ERC2: variants seen among roughly 807,000 people sequenced by gnomAD.
The protein encoded by ERC2 is ERC protein 2.
ERC2 carries 42 observed loss-of-function variants against 114.8 expected under a neutral mutation model. That is an observed-to-expected ratio of 0.37 (90% confidence interval 0.29 to 0.47). The LOEUF (loss-of-function observed/expected upper bound fraction) is 0.47, where lower values mean the gene tolerates loss of function less well. Among genes scored for constraint, ERC2 ranks in the 20% least tolerant of loss-of-function variants. The pLI is 0.99. For synonymous variants in ERC2, 454 were observed against 425.5 expected, an observed-to-expected ratio of 1.07 and a Z score of -0.82; for missense variants, 939 against 1,150.7, an observed-to-expected ratio of 0.82 and a Z score of 2.66.
chr3:55,954,085 A>T (rs897484270), intron 12 of ERC2, among the ~76,000 whole-genome samples: 2 of 57,666 alleles, frequency 3.5e-5, no homozygotes, highest in Admixed American at 2.4e-4. Context: ...ATTATTTAAA[A>T]AAAAAAAAAA....
intron 2 of ERC2, among the ~76,000 whole-genome samples, chr3:56,433,168 C>A (rs572706017): frequency 2.7e-3 from 347 of 126,372 alleles, no homozygotes; most frequent in African/African-American, 0.011. Flanking sequence ...AACAGCAAGA[C>A]CCTGTCTCTT....
intron 10 of ERC2, among the ~76,000 whole-genome samples, chr3:55,997,880 G>GTTTGTTTTTTTTT (rs1559996207): frequency 2.2e-5 from 1 of 44,790 alleles, no homozygotes; most frequent in Non-Finnish European, 4.0e-5. Context: ...TCTTAATTCT[G>GTTTGTTTTTTTTT]TTTTTTTTTT....
In ERC2 at chr3:55,628,138, G is replaced by T. The variant is rs887773691; in HGVS notation, c.*39+55656C>A. 4.4e-5 allele frequency among the ~76,000 whole-genome samples: 3 copies of T among 68,800 alleles called. No individual in the cohort carries two copies. The South Asian group carries it at 1.3e-3, about 30-fold the overall frequency. 45.1% of individuals were successfully genotyped at this position (68,800 alleles called of 152,430 possible). A position where few individuals can be genotyped will look rare whatever the true frequency, so the allele number is the denominator to read the frequency against. ...ATTTTTCTTCCCAAGGAAGCATTTT[G>T]TATCTTTTCTCCTTCCTTTTTCTTG... is the stretch of plus-strand genomic sequence containing the variant. On this transcript the variant is annotated intron_variant, in intron 17 of 17. Transcript: ENST00000288221.
chr3:56,050,621 C>A (rs929197210), intron 7 of ERC2, among the ~76,000 whole-genome samples: 1 of 152,186 alleles, frequency 6.6e-6, no homozygotes, highest in East Asian at 1.9e-4. Flanking sequence ...CTTCTTTTCT[C>A]CTTTCTCTGA....
chr3:56,423,025 T>C (rs1223350428), intron 2 of ERC2, among the ~76,000 whole-genome samples: 1 of 152,218 alleles, frequency 6.6e-6, no homozygotes, highest in Non-Finnish European at 1.5e-5. Context: ...GAGTTGTCCA[T>C]TTCCTTACAA....
At chr3:55,797,922 T>C (rs1056590925) in intron 14 of ERC2, among the ~76,000 whole-genome samples, 1 of 152,178 alleles carries the variant, frequency 6.6e-6, no homozygotes, top group Non-Finnish European at 1.5e-5. Flanking sequence ...AAAATATAAT[T>C]GTTAACCTAA....
chr3:56,040,580 C>CATATACATATACATGTATATATTAT (rs756308197), intron 7 of ERC2, among the ~76,000 whole-genome samples: 4 of 74,570 alleles, frequency 5.4e-5, no homozygotes, highest in African/African-American at 1.9e-4. Context: ...TATATGTATA[C>CATATACATATACATGTATATATTAT]ATATACATAT....
At position 56,134,930 on chromosome 3, in the gene ERC2, G is replaced by T. The variant is rs376690445; in HGVS notation, c.1473+4579C>A. On this transcript the variant is annotated intron_variant, in intron 6 of 17. Coordinates refer to ENST00000288221, the MANE Select transcript of ERC2 (RefSeq NM_015576.3). ...TCTCTCTTTTTTTTTGTTTTTTTTT[G>T]TTTTTGTTTTTGTTTTTGTTTTTGT... Among the ~76,000 whole-genome samples the T allele has an allele frequency of 5.3e-4, 62 of 117,424 alleles. 1 individual carries two copies. The highest frequency in any genetic ancestry group is 4.6e-3 in the Middle Eastern group (1 of 218). 77.0% of individuals were successfully genotyped at this position (117,424 alleles called of 152,430 possible). A position where few individuals can be genotyped will look rare whatever the true frequency, so the allele number is the denominator to read the frequency against.
intron 14 of ERC2, among the ~76,000 whole-genome samples, chr3:55,882,246 T>C (rs1576003253): frequency 6.6e-6 from 1 of 152,210 alleles, no homozygotes; most frequent in East Asian, 1.9e-4. Flanking sequence ...ATGTGATCTC[T>C]GCACATACAG....
chr3:55,737,369 G>A (rs1483476551), intron 14 of ERC2, among the ~76,000 whole-genome samples: 2 of 152,190 alleles, frequency 1.3e-5, no homozygotes, highest in African/African-American at 4.8e-5. Flanking sequence ...TCTGCCTTTG[G>A]ATAACAGCTG....
intron 14 of ERC2, among the ~76,000 whole-genome samples, chr3:55,808,725 ATATATATATATATAT>A (rs2059591661): frequency 2.4e-5 from 3 of 125,700 alleles, no homozygotes; most frequent in East Asian, 2.3e-4. Flanking sequence ...ATATATATAT[ATATATATATATATAT>A]ATAACGTATA....
chr3:56,179,000 A>C (rs2150038414), intron 3 of ERC2, among the ~76,000 whole-genome samples: 1 of 152,136 alleles, frequency 6.6e-6, no homozygotes, highest in African/African-American at 2.4e-5. Context: ...CACTGAAAGA[A>C]GAAGAATTGT....
chr3:56,191,861 C>T (rs1349973986), intron 3 of ERC2, among the ~76,000 whole-genome samples: 1 of 151,126 alleles, frequency 6.6e-6, no homozygotes, highest in East Asian at 1.9e-4. Context: ...CTGCACAGGC[C>T]ACACACACAC....
intron 2 of ERC2, among the ~76,000 whole-genome samples, chr3:56,428,027 G>A (rs2107303176): frequency 6.6e-6 from 1 of 152,234 alleles, no homozygotes; most frequent in Non-Finnish European, 1.5e-5. Flanking sequence ...GGCTTTGAAG[G>A]ATCCATGGTT....
At chr3:56,276,889 T>C (rs1456706430) in intron 3 of ERC2, among the ~76,000 whole-genome samples, 1 of 152,062 alleles carries the variant, frequency 6.6e-6, no homozygotes, top group Non-Finnish European at 1.5e-5. Context: ...AGTTTACAAA[T>C]TTTGGGGGGC....
intron 9 of ERC2, among the ~76,000 whole-genome samples, chr3:56,007,793 A>G (rs2072616219): frequency 6.6e-6 from 1 of 152,168 alleles, no homozygotes; most frequent in East Asian, 1.9e-4. Flanking sequence ...CATTTCTTTA[A>G]CAGATAAATG....
intron 7 of ERC2, among the ~76,000 whole-genome samples, chr3:56,066,987 C>T (rs1035330931): frequency 1.4e-4 from 21 of 152,182 alleles, no homozygotes; most frequent in African/African-American, 3.9e-4. Context: ...CGGCATAATG[C>T]CTCCAGCTTT....
chr3:56,123,496 T>C (rs1168581053), intron 6 of ERC2, among the ~76,000 whole-genome samples: 1 of 142,948 alleles, frequency 7.0e-6, no homozygotes, highest in Admixed American at 6.9e-5. Context: ...TTTATGGTAA[T>C]TTTTTTATAA....
chr3:55,811,177 A>T (rs2059708564), intron 14 of ERC2, among the ~76,000 whole-genome samples: 1 of 152,194 alleles, frequency 6.6e-6, no homozygotes, highest in South Asian at 2.1e-4. Context: ...ATAGCAATAC[A>T]TGGCTAGGGG....
Sources: gnomAD v4.1 joint callset for allele counts (sites outside exome capture counted in the v4.1 genomes callset) on GRCh38, gnomAD v4.1.1 for gene constraint, MANE v1.5 for transcripts, NCBI Gene and HGNC (gene_info 2026-07-23, HGNC 2026-07-21) for gene names.